Variants in PIWIL2 observed in about 807,000 individuals in gnomAD.
The protein encoded by PIWIL2 is piwi-like protein 2.
PIWIL2 carries 81 observed loss-of-function variants against 116.5 expected under a neutral mutation model. The observed-to-expected ratio is 0.70, with a 90% CI of 0.58 to 0.84. PIWIL2 has a LOEUF of 0.84. PIWIL2 is among the 40% of genes least tolerant of loss of function. The probability of loss-of-function intolerance (pLI) is 0.00; values close to 1 mark genes in which losing one functional copy is unlikely to be tolerated. For synonymous variants in PIWIL2, 489 were observed against 429.5 expected (o/e 1.14, Z -1.71); for missense variants, 1,272 against 1,212.3 (o/e 1.05, Z -0.73).
chr8:22,299,674 A>G (rs1830999456), intron 10 of PIWIL2, among the ~76,000 whole-genome samples: 1 of 152,126 alleles, frequency 6.6e-6, no homozygotes, highest in Admixed American at 6.5e-5. Flanking sequence ...TTTAAAGTAT[A>G]CAGTTTGATG....
chr8:22,322,879 C>G (rs1831634969), intron 20 of PIWIL2, among the ~76,000 whole-genome samples: 1 of 152,104 alleles, frequency 6.6e-6, no homozygotes, highest in Non-Finnish European at 1.5e-5. Context: ...GTTGTGATTA[C>G]TCTCATATCT....
intron 20 of PIWIL2, among the ~76,000 whole-genome samples, chr8:22,325,081 G>A (rs551972640): frequency 1.2e-4 from 18 of 152,266 alleles, no homozygotes; most frequent in African/African-American, 4.3e-4. Flanking sequence ...GGCACCTACA[G>A]TGTAGGAATA....
rs749585450 is a variant in PIWIL2 at position 22,279,579 on chromosome 8, C to G, written c.193C>G (p.Gln65Glu). Residue 65 changes from glutamine to glutamate, a missense_variant, in exon 2 of 23, where the codon CAA (glutamine) becomes GAA (glutamate). Physicochemically the swap from Gln to Glu is conservative, Grantham distance 29 (BLOSUM62 2). Coordinates refer to ENST00000356766, the MANE Select transcript of PIWIL2 (RefSeq NM_018068.5). ...ACCAAGCACACAGAGGGGGCCAGCA[C>G]AAAGGGTAAGACCACTTCCGGATGC... ...EEPSTQRGPA[Q>E]RESVGLVSMF... The G allele has an allele frequency of 6.2e-7, 1 of 1,613,998 alleles. No homozygotes were observed. The highest frequency in any genetic ancestry group is 8.5e-7 in the Non-Finnish European group (1 of 1,179,876).
intron 20 of PIWIL2, among the ~76,000 whole-genome samples, chr8:22,324,231 C>T (rs1356831275): frequency 1.3e-5 from 2 of 152,184 alleles, no homozygotes; most frequent in African/African-American, 4.8e-5. Context: ...CACTGCGCTC[C>T]AGTCTGGGCG....
intron 6 of PIWIL2, among the ~76,000 whole-genome samples, chr8:22,285,235 C>T (rs965921514): frequency 2.0e-5 from 3 of 152,196 alleles, no homozygotes; most frequent in Non-Finnish European, 2.9e-5. Flanking sequence ...TACCCCTCAA[C>T]CCCCAGCCTC....
Position 22,287,627 on chromosome 8 carries a change from G to C in PIWIL2, c.843G>C (p.Leu281=). The change falls in exon 7 of 23, where the codon CTG becomes CTC. Residue 281 remains leucine (L), a synonymous_variant. Transcript: ENST00000356766. ...VTAFDGSILY[L]PVKLQQVLEL... ...CGTTTGATGGATCTATTCTCTATCT[G>C]CCTGTTAAGCTTCAACAAGTGAGAC... 1 of 1,604,078 alleles carries C rather than the reference G, an allele frequency of 6.2e-7. No homozygotes were observed. Among genetic ancestry groups the C allele is most frequent in the South Asian group, 1.1e-5 (1 of 90,900 alleles).
chr8:22,322,978 A>G (rs771834161), intron 20 of PIWIL2, among the ~76,000 whole-genome samples: 7 of 151,652 alleles, frequency 4.6e-5, no homozygotes, highest in Non-Finnish European at 7.4e-5. Context: ...GTGCAGTGGT[A>G]TGATCTCGGC....
At chr8:22,306,594 A>G (rs1563378160) in intron 13 of PIWIL2, among the ~76,000 whole-genome samples, 1 of 151,816 alleles carries the variant, frequency 6.6e-6, no homozygotes, top group South Asian at 2.1e-4. Context: ...GGCCCGCCAC[A>G]CTCTGTCTGG....
intron 20 of PIWIL2, among the ~76,000 whole-genome samples, chr8:22,334,996 A>G (rs958758967): frequency 6.6e-6 from 1 of 151,570 alleles, no homozygotes; most frequent in Non-Finnish European, 1.5e-5. Context: ...TGGAGGTTGC[A>G]GCGAGCCAAC....
intron 10 of PIWIL2, among the ~76,000 whole-genome samples, chr8:22,295,161 C>T: frequency 6.6e-6 from 1 of 151,816 alleles, no homozygotes; most frequent in East Asian, 1.9e-4. Flanking sequence ...TTCTTTCCTT[C>T]CTTCTTTCCT....
intron 20 of PIWIL2, among the ~76,000 whole-genome samples, chr8:22,350,935 G>A (rs1294841552): frequency 6.6e-6 from 1 of 152,162 alleles, no homozygotes; most frequent in Non-Finnish European, 1.5e-5. Flanking sequence ...GAGGTCAGGA[G>A]TTTGAGACCA....
intron 20 of PIWIL2, among the ~76,000 whole-genome samples, chr8:22,331,166 A>G (rs1052597675): frequency 6.6e-6 from 1 of 151,440 alleles, no homozygotes; most frequent in Admixed American, 6.6e-5. Flanking sequence ...ACAGAGCGAG[A>G]CTCTGTCTCA....
chr8:22,354,938 C>T (rs1832455549), intron 22 of PIWIL2, among the ~76,000 whole-genome samples: 1 of 151,970 alleles, frequency 6.6e-6, no homozygotes. Flanking sequence ...GGTGTGGTGG[C>T]GCATGCCTAT....
chr8:22,288,128 C>T (rs772613506), intron 7 of PIWIL2, among the ~76,000 whole-genome samples: 1 of 152,012 alleles, frequency 6.6e-6, no homozygotes, highest in Non-Finnish European at 1.5e-5. Context: ...GAAACCCTGT[C>T]TCTACTAAAA....
intron 6 of PIWIL2, among the ~76,000 whole-genome samples, chr8:22,287,160 T>C (rs1049132393): frequency 1.3e-5 from 2 of 150,404 alleles, no homozygotes; most frequent in Non-Finnish European, 3.0e-5. Flanking sequence ...AAAGGGAGAG[T>C]CACTTGAACT....
At chr8:22,354,995 A>T (rs962968275) in intron 22 of PIWIL2, among the ~76,000 whole-genome samples, 1 of 151,566 alleles carries the variant, frequency 6.6e-6, no homozygotes, top group Non-Finnish European at 1.5e-5. Context: ...ACTTGAATCC[A>T]GGAGGAGGAG....
chr8:22,352,708 A>C, intron 20 of PIWIL2: 3 of 437,414 alleles, frequency 6.9e-6, no homozygotes, highest in Non-Finnish European at 1.2e-5. Context: ...TATGCATGTG[A>C]CTCATAACTT....
At position 22,288,562 on chromosome 8, in the gene PIWIL2, AAGGAAAAC is replaced by A; in HGVS notation, c.885_892del (p.Lys296GlnfsTer3). The A allele has an allele frequency of 6.2e-7, 1 of 1,613,256 alleles. No homozygotes were observed. The highest frequency in any genetic ancestry group is 8.5e-7 in the Non-Finnish European group (1 of 1,179,300). ...GTTAGGTTCTTGAGTTAAAAAGTCA[AAGGAAAAC>A]AGACAGTGCTGAAATCAGCATTAAG... On this transcript the variant is annotated frameshift_variant, in exon 8 of 23. Transcript: ENST00000356766. LOFTEE classifies it high-confidence loss of function.
At chr8:22,347,966 TTTTAA>T (rs1251027869) in intron 20 of PIWIL2, among the ~76,000 whole-genome samples, 2 of 152,144 alleles carry the variant, frequency 1.3e-5, no homozygotes, top group African/African-American at 2.4e-5. Context: ...TGCCTCCCCT[TTTTAA>T]TTTGAGTTCC....
Sources: allele counts gnomAD v4.1 joint callset (sites outside exome capture counted in the v4.1 genomes callset), GRCh38; gene constraint gnomAD v4.1.1; transcripts MANE v1.5; gene names NCBI Gene and HGNC (gene_info 2026-07-23, HGNC 2026-07-21).